Variants in MAN2A2 observed in about 807,000 individuals in gnomAD.
MAN2A2 encodes alpha-mannosidase 2x.
MAN2A2 carries 79 observed loss-of-function variants against 126.8 expected under a neutral mutation model. The ratio of observed to expected loss-of-function variants is 0.62; its 90% CI spans 0.52 to 0.75. The LOEUF is 0.75. Among genes scored for constraint, MAN2A2 ranks in the 30% least tolerant of loss-of-function variants. The pLI is 0.00. For missense variants in MAN2A2, 1,392 were observed against 1,522.4 expected, an observed-to-expected ratio of 0.91 and a Z score of 1.43; for synonymous variants, 671 against 618.7, an observed-to-expected ratio of 1.08 and a Z score of -1.25.
chr15:90,911,280 C>A, intron 13 of MAN2A2, 42 bp downstream of exon 13: 1 of 1,611,414 alleles, frequency 6.2e-7, no homozygotes, highest in Non-Finnish European at 8.5e-7. Flanking sequence ...AGAGCCATTC[C>A]CTGGCTCTCA....
In MAN2A2 at chr15:90,905,895, C is replaced by T; in HGVS notation, c.586C>T (p.Leu196Phe). The T allele has an allele frequency of 6.3e-7, 1 of 1,599,838 alleles. No homozygotes were observed. ...CTACACAGAGCAGACCCAACACATC[C>T]TCAATAGCATGGTGTCTAAGCTGCA... is the stretch of plus-strand genomic sequence containing the variant. ...KYYTEQTQHI[L>F]NSMVSKLQED... Residue 196 changes from leucine to phenylalanine, a missense_variant, in exon 5 of 23, where the codon CTC becomes TTC. Coordinates refer to ENST00000559717, the MANE Select transcript of MAN2A2 (RefSeq NM_006122.4).
In MAN2A2 at chr15:90,919,986, C is replaced by T; in HGVS notation, c.*199C>T. Reference sequence around the variant, plus strand: ...CAAACCCAGTGATGGGTAAATAGGGCAGACGCCAGTGAGATCAGGGAGAGA... The same window carrying T: ...CAAACCCAGTGATGGGTAAATAGGGTAGACGCCAGTGAGATCAGGGAGAGA... On this transcript the variant is annotated 3_prime_UTR_variant, in exon 23 of 23. Transcript: ENST00000559717. 2 of 605,860 alleles carry T rather than the reference C, an allele frequency of 3.3e-6. No individual in the cohort carries two copies. Among genetic ancestry groups the T allele is most frequent in the Admixed American group, 3.0e-5 (1 of 33,648 alleles). The allele number at this position is 605,860 out of a possible 1,614,324, so 37.5% of individuals were successfully genotyped here.
Position 90,910,925 on chromosome 15 carries a change from C to A in MAN2A2, c.1839C>A (p.Thr613=). The A allele has an allele frequency of 6.2e-7, 1 of 1,614,182 alleles. No homozygotes were observed. The highest frequency in any genetic ancestry group is 1.1e-5 in the South Asian group (1 of 91,092). The change falls in exon 12 of 23, where the codon ACC becomes ACA. Residue 613 remains threonine, a synonymous_variant. Transcript: ENST00000559717. The part of the protein sequence containing the change: ...AHYLVLGDKE[T]YHFDPEAPFL... Reference sequence around the variant, plus strand: ...ATCTGGTGCTGGGGGACAAGGAGACCTACCACTTTGACCCTGAGGCGCCCT... The same window carrying A: ...ATCTGGTGCTGGGGGACAAGGAGACATACCACTTTGACCCTGAGGCGCCCT...
At chr15:90,905,171 C>T in intron 2 of MAN2A2, 80 bp from the exon 3 acceptor site, 2 of 1,480,294 alleles carry the variant, frequency 1.4e-6, no homozygotes, top group East Asian at 4.5e-5. Context: ...TGTACTCAGG[C>T]CTCAGCTGGT....
At chr15:90,915,578 T>C (rs995806146) in intron 19 of MAN2A2, 2 of 152,450 alleles carry the variant, frequency 1.3e-5, no homozygotes, top group African/African-American at 4.8e-5. Flanking sequence ...CATCTGGCTG[T>C]CCTTTCCAGA....
At chr15:90,916,332 CT>C in intron 20 of MAN2A2, 76 bp downstream of exon 20, 1 of 1,543,282 alleles carries the variant, frequency 6.5e-7, no homozygotes, top group South Asian at 1.2e-5. Flanking sequence ...CAGCCTAGGG[CT>C]CGAGGAGCGT....
At position 90,907,428 on chromosome 15, in the gene MAN2A2, G is replaced by A. The variant is rs2034386904; in HGVS notation, c.1129G>A (p.Gly377Ser). The A allele has an allele frequency of 6.2e-7, 1 of 1,614,086 alleles. No individual in the cohort carries two copies. Among genetic ancestry groups the A allele is most frequent in the Non-Finnish European group, 8.5e-7 (1 of 1,180,032 alleles). Reference protein sequence around the residue: ...CCQFDFKRLPGGRINCPWKVP... With the variant: ...CCQFDFKRLPSGRINCPWKVP... ...CCAATTTGATTTCAAACGCCTGCCT[G>A]GTGGGCGCATCAACTGCCCTTGGAA... The change falls in exon 8 of 23, where the codon GGT (glycine) becomes AGT (serine). Residue 377 changes from glycine (G) to serine (S), a missense_variant. Transcript: ENST00000559717.
chr15:90,912,419 C>T, intron 15 of MAN2A2, 123 bp from the exon 16 acceptor site: 1 of 1,582,646 alleles, frequency 6.3e-7, no homozygotes, highest in South Asian at 1.1e-5. Flanking sequence ...GCCATCTCAG[C>T]TCCAGCCTGA....
chr15:90,919,167 T>C (rs1163542923), intron 22 of MAN2A2, among the ~76,000 whole-genome samples: 4 of 152,178 alleles, frequency 2.6e-5, no homozygotes, highest in Non-Finnish European at 5.9e-5. Context: ...AGTGGAACGG[T>C]TCTTACCCAG....
rs757416659 is a variant in MAN2A2, at chr15:90,918,708, C to T, written c.3253C>T (p.Leu1085=). ...ILHRKGFDCG[L]EAKNLGFNCT... ...ACACCGCAAGGGTTTTGACTGCGGC[C>T]TGGAGGCCAAGAACTTGGGCTTCAA... The change falls in exon 22 of 23, where the codon CTG becomes TTG. Residue 1085 remains leucine, a synonymous_variant. Transcript: ENST00000559717. The T allele has an allele frequency of 3.3e-6, 5 of 1,521,728 alleles. No individual in the cohort carries two copies. The highest frequency in any genetic ancestry group is 4.6e-6 in the Non-Finnish European group (5 of 1,096,410). 94.3% of individuals were successfully genotyped at this position (1,521,728 alleles called of 1,614,324 possible).
chr15:90,908,689 C>T (rs150063647), intron 8 of MAN2A2, among the ~76,000 whole-genome samples: 2,357 of 151,792 alleles, frequency 0.016, 31 homozygotes, highest in Non-Finnish European at 0.027. Flanking sequence ...GATTATCCTG[C>T]CTCAGCCTCC....
rs1384502446 is a variant in MAN2A2, at chr15:90,911,420, G to A, written c.1979G>A (p.Arg660Gln). 9 of 1,614,228 alleles carry A rather than the reference G, an allele frequency of 5.6e-6. No homozygotes were observed. The East Asian group carries it at 6.7e-5, about 12-fold the overall frequency. Residue 660 changes from arginine to glutamine, a missense_variant, in exon 14 of 23, where the codon CGA becomes CAA. Coordinates refer to ENST00000559717, the MANE Select transcript of MAN2A2 (RefSeq NM_006122.4). ...CTATTCAACCCACTGGAACAGGAGC[G>A]ATTCAGCATGGTGTCCCTGCTGGTC... is the stretch of plus-strand genomic sequence containing the variant. ...VVLFNPLEQE[R>Q]FSMVSLLVNS...
chr15:90,903,159 G>A (rs555763067), upstream of MAN2A2: 492 of 152,402 alleles, frequency 3.2e-3, 3 homozygotes, highest in African/African-American at 0.011. Context: ...GAGCGGGTGG[G>A]GAGGGAGCCG....
Position 90,920,327 on chromosome 15 carries a change from C to A in MAN2A2, c.*540C>A. The A allele has an allele frequency of 6.5e-6, 1 of 153,488 alleles. No homozygotes were observed. Among genetic ancestry groups the A allele is most frequent in the Admixed American group, 6.5e-5 (1 of 15,468 alleles). 9.5% of individuals were successfully genotyped at this position (153,488 alleles called of 1,614,324 possible). A position where few individuals can be genotyped will look rare whatever the true frequency, so the allele number is the denominator to read the frequency against. Reference sequence around the variant, plus strand: ...GTGGGGATGGAGCAGTAGAAGGAATCACTGTTTCTCCTAGGAGTCTGAAGG... The same window carrying A: ...GTGGGGATGGAGCAGTAGAAGGAATAACTGTTTCTCCTAGGAGTCTGAAGG... On this transcript the variant is annotated 3_prime_UTR_variant, in exon 23 of 23. Transcript: ENST00000559717.
chr15:90,908,892 A>T (rs1005799662), intron 8 of MAN2A2, among the ~76,000 whole-genome samples: 7 of 152,040 alleles, frequency 4.6e-5, no homozygotes, highest in African/African-American at 1.7e-4. Flanking sequence ...ATCCATTTTA[A>T]TTCTCATAAC....
chr15:90,911,006 G>A, intron 12 of MAN2A2, 45 bp downstream of exon 12: 4 of 1,557,094 alleles, frequency 2.6e-6, no homozygotes, highest in Non-Finnish European at 3.5e-6. Flanking sequence ...GGTGTGTGCA[G>A]GTCCCATCCC....
chr15:90,919,510 A>T, intron 22 of MAN2A2, 125 bp from the exon 23 acceptor site: 1 of 1,187,448 alleles, frequency 8.4e-7, no homozygotes, highest in Non-Finnish European at 1.2e-6. Context: ...AAGTGCTGGG[A>T]TTACAGGTGT....
chr15:90,906,582 G>T (rs2034307333), intron 6 of MAN2A2, 85 bp downstream of exon 6: 7 of 1,602,980 alleles, frequency 4.4e-6, no homozygotes, highest in Non-Finnish European at 6.0e-6. Flanking sequence ...TCGGCAGGGG[G>T]TGGTTCCTTT....
In MAN2A2 at chr15:90,905,312, A is replaced by G; in HGVS notation, c.194A>G (p.His65Arg). ...EQLEQLLEENHEIISHIKDSV... is the reference protein window; with the variant it reads ...EQLEQLLEENREIISHIKDSV... ...CTGGAGCAGCTTTTGGAGGAGAACC[A>G]TGAGATTATCAGCCATATCAAGGAC... The change falls in exon 3 of 23, where the codon CAT becomes CGT. Residue 65 changes from histidine (H) to arginine (R), a missense_variant. Coordinates refer to ENST00000559717, the MANE Select transcript of MAN2A2 (RefSeq NM_006122.4). The G allele has an allele frequency of 6.2e-7, 1 of 1,613,936 alleles. No homozygotes were observed. Among genetic ancestry groups the G allele is most frequent in the Non-Finnish European group, 8.5e-7 (1 of 1,180,042 alleles).
Sources: gnomAD v4.1 joint callset for allele counts (sites outside exome capture counted in the v4.1 genomes callset) on GRCh38, gnomAD v4.1.1 for gene constraint, MANE v1.5 for transcripts, NCBI Gene and HGNC (gene_info 2026-07-23, HGNC 2026-07-21) for gene names.